Variants in DECR1 observed in about 807,000 individuals in gnomAD.
DECR1 encodes the protein 2,4-dienoyl-CoA reductase 1.
DECR1 carries 44 observed loss-of-function variants against 38.8 expected under a neutral mutation model. That is an observed-to-expected ratio of 1.13 (90% confidence interval 0.89 to 1.46). The LOEUF is 1.46. Among genes scored for constraint, DECR1 ranks in the 40% most tolerant of loss-of-function variants. The probability of loss-of-function intolerance (pLI) is 0.00; values close to 1 mark genes in which losing one functional copy is unlikely to be tolerated. For synonymous variants in DECR1, 148 were observed against 135.2 expected, an observed-to-expected ratio of 1.09 and a Z score of -0.66; for missense variants, 428 against 405.5, an observed-to-expected ratio of 1.06 and a Z score of -0.48.
At chr8:90,029,492 A>G (rs933985010) in intron 5 of DECR1, 12 of 152,094 alleles carry the variant, frequency 7.9e-5, no homozygotes, top group Non-Finnish European at 1.5e-4. Flanking sequence ...TGATAGAGGA[A>G]GAGAATAAAT....
intron 8 of DECR1, among the ~76,000 whole-genome samples, chr8:90,046,219 T>A (rs1041510400): frequency 6.6e-6 from 1 of 152,288 alleles, no homozygotes; most frequent in East Asian, 1.9e-4. Context: ...AGGCTTCAGA[T>A]GATTGGTAAT....
chr8:90,019,352 A>C lies in DECR1; in HGVS notation c.417+180A>C, dbSNP rs118078083. On this transcript the variant is annotated intron_variant, in intron 4 of 9. Transcript: ENST00000220764. ...AAGAATTCAAGGATGAGCCGGTGGT[A>C]GAAGAGAACAGCTTTATTGAAGCAG... Among the ~76,000 whole-genome samples, 1,287 of 152,292 alleles carry C rather than the reference A, an allele frequency of 8.5e-3. 11 individuals carry two copies. Among genetic ancestry groups the C allele is most frequent in the Non-Finnish European group, 0.014 (976 of 68,006 alleles).
At position 90,027,140 on chromosome 8, in the gene DECR1, A is replaced by G. The variant is rs531373315; in HGVS notation, c.565+6084A>G. 5.3e-5 allele frequency among the ~76,000 whole-genome samples: 8 copies of G among 152,298 alleles called. No homozygotes were observed. The East Asian group carries it at 1.4e-3, about 26-fold the overall frequency. ...ATTTGCTGAGGAGTGCTTTACTTCC[A>G]ACTATGTGGTCAAGTTTGGAATAAG... On this transcript the variant is annotated intron_variant, in intron 5 of 9. Transcript: ENST00000220764.
intron 1 of DECR1, among the ~76,000 whole-genome samples, chr8:90,002,133 T>C (rs1445412695): frequency 1.3e-5 from 2 of 151,930 alleles, no homozygotes; most frequent in Non-Finnish European, 2.9e-5. Flanking sequence ...TTCCAACTTG[T>C]GTGTAAATAG....
At chr8:90,025,991 T>A (rs1813325174) in intron 5 of DECR1, among the ~76,000 whole-genome samples, 1 of 152,234 alleles carries the variant, frequency 6.6e-6, no homozygotes, top group South Asian at 2.1e-4. Context: ...ATGTAGTTTT[T>A]GTCTTTTGTT....
chr8:90,033,923 C>T (rs1813557209), intron 5 of DECR1, among the ~76,000 whole-genome samples: 1 of 152,194 alleles, frequency 6.6e-6, no homozygotes, highest in South Asian at 2.1e-4. Context: ...AAGAATGATA[C>T]AGTTAGCATC....
chr8:90,046,865 G>A (rs1428250344), intron 8 of DECR1, among the ~76,000 whole-genome samples: 1 of 152,228 alleles, frequency 6.6e-6, no homozygotes, highest in African/African-American at 2.4e-5. Context: ...TCAGAAGAAA[G>A]TGGGGGCCAA....
chr8:90,008,099 A>G (rs1372611932), intron 1 of DECR1, among the ~76,000 whole-genome samples: 1 of 152,222 alleles, frequency 6.6e-6, no homozygotes, highest in Non-Finnish European at 1.5e-5. Context: ...TTCCTACTGC[A>G]GCTTAGATAT....
rs945931673 is a variant in DECR1, at chr8:90,052,049, A to G, written c.*152A>G. 22 of 619,818 alleles carry G rather than the reference A, an allele frequency of 3.5e-5. No individual in the cohort carries two copies. In the East Asian group the frequency reaches 5.7e-4, roughly 16 times the overall value. The allele number at this position is 619,818 out of a possible 1,614,324, so 38.4% of individuals were successfully genotyped here. ...GTGCCAGGCCAGTGATAGCCATTGT[A>G]TATTCAAAGATAAATAAAATGAAAT... On this transcript the variant is annotated 3_prime_UTR_variant, in exon 10 of 10. Transcript: ENST00000220764.
chr8:90,048,095 A>G (rs925246207), intron 8 of DECR1, among the ~76,000 whole-genome samples: 1 of 152,222 alleles, frequency 6.6e-6, no homozygotes, highest in Non-Finnish European at 1.5e-5. Flanking sequence ...AAGATCTAAA[A>G]TGGGCACCCT....
chr8:90,028,431 AG>A (rs1349146319), intron 5 of DECR1, among the ~76,000 whole-genome samples: 1 of 152,092 alleles, frequency 6.6e-6, no homozygotes, highest in African/African-American at 2.4e-5. Context: ...AATATATGAC[AG>A]CCTACTCAGA....
chr8:90,039,074 C>A (rs1813686934), intron 6 of DECR1, among the ~76,000 whole-genome samples: 1 of 152,116 alleles, frequency 6.6e-6, no homozygotes, highest in African/African-American at 2.4e-5. Flanking sequence ...ATGTGCCTTC[C>A]TTTACAGCTT....
At chr8:90,044,817 G>A (rs373738385) in intron 7 of DECR1, 32 bp from the exon 8 acceptor site, 23 of 1,583,216 alleles carry the variant, frequency 1.5e-5, no homozygotes, top group African/African-American at 5.5e-5. Context: ...TGAAAAACCC[G>A]ACACAACCTA....
chr8:90,025,319 G>C (rs1333628128), intron 5 of DECR1, among the ~76,000 whole-genome samples: 3 of 152,094 alleles, frequency 2.0e-5, no homozygotes, highest in Admixed American at 2.0e-4. Flanking sequence ...GGGCAGTATG[G>C]CCATTTTCAT....
intron 1 of DECR1, chr8:90,015,514 A>G (rs1478015744): frequency 4.7e-5 from 18 of 385,586 alleles, no homozygotes; most frequent in South Asian, 2.3e-4. Context: ...ACATCACATT[A>G]TAAACATTTT....
Position 90,019,084 on chromosome 8 carries a change from A to G in DECR1, c.331-2A>G, listed in dbSNP as rs754519979. The G allele has an allele frequency of 3.1e-6, 5 of 1,613,546 alleles. No homozygotes were observed. Among genetic ancestry groups the G allele is most frequent in the Middle Eastern group, 3.3e-4 (2 of 6,062 alleles). ...TGTCATATTCTTTTTGTTATTTTGC[A>G]GGTTCATGCAATTCAGTGTGATGTG... On this transcript the variant is annotated splice_acceptor_variant, in intron 3 of 9. Coordinates refer to ENST00000220764, the MANE Select transcript of DECR1 (RefSeq NM_001359.2). LOFTEE classifies it high-confidence loss of function.
intron 1 of DECR1, among the ~76,000 whole-genome samples, chr8:90,013,358 TTTAG>T (rs1219944054): frequency 6.6e-6 from 1 of 151,782 alleles, no homozygotes; most frequent in African/African-American, 2.4e-5. Context: ...TTAAATGAAA[TTTAG>T]TTGTGGTTCC....
intron 8 of DECR1, among the ~76,000 whole-genome samples, chr8:90,046,228 A>G (rs952964197): frequency 6.6e-6 from 1 of 152,150 alleles, no homozygotes; most frequent in African/African-American, 2.4e-5. Flanking sequence ...ATGATTGGTA[A>G]TAACAGACTT....
At chr8:90,040,740 T>C (rs1477229138) in intron 6 of DECR1, among the ~76,000 whole-genome samples, 1 of 152,196 alleles carries the variant, frequency 6.6e-6, no homozygotes, top group Non-Finnish European at 1.5e-5. Context: ...TTTCTGTTCC[T>C]GTGTTAGTTT....
Sources: allele counts gnomAD v4.1 joint callset (sites outside exome capture counted in the v4.1 genomes callset), GRCh38; gene constraint gnomAD v4.1.1; transcripts MANE v1.5; gene names NCBI Gene and HGNC (gene_info 2026-07-23, HGNC 2026-07-21).